The following PPARG variants were observed in gnomAD, a reference collection of about 807,000 sequenced individuals.
PPARG encodes peroxisome proliferator-activated receptor gamma.
PPARG carries 17 observed loss-of-function variants against 39.2 expected under a neutral mutation model. That is an observed-to-expected ratio of 0.43 (90% CI 0.30 to 0.65). The LOEUF is 0.65. PPARG is among the 30% of genes least tolerant of loss of function. The pLI is 0.13. For missense variants in PPARG, 406 were observed against 585.9 expected, an observed-to-expected ratio of 0.69 and a Z score of 3.17; for synonymous variants, 223 against 215.7, an observed-to-expected ratio of 1.03 and a Z score of -0.30.
intron 4 of PPARG, among the ~76,000 whole-genome samples, chr3:12,392,344 T>C (rs999976990): frequency 7.2e-5 from 11 of 152,136 alleles, no homozygotes; most frequent in African/African-American, 2.2e-4. Flanking sequence ...GAAAACCAAA[T>C]GTAGAGCCAA....
intron 2 of PPARG, among the ~76,000 whole-genome samples, chr3:12,318,871 T>C (rs549995413): frequency 3.3e-5 from 5 of 151,996 alleles, no homozygotes; most frequent in Admixed American, 3.3e-4. Context: ...TTTTTTTTCC[T>C]TTAAGCTTGT....
At chr3:12,429,275 A>G (rs1017502058) in intron 7 of PPARG, among the ~76,000 whole-genome samples, 2 of 152,150 alleles carry the variant, frequency 1.3e-5, no homozygotes, top group African/African-American at 2.4e-5. Context: ...ACTCCTAGAG[A>G]GGCCAGTTCC....
chr3:12,403,011 G>A (rs2050531489), intron 5 of PPARG, among the ~76,000 whole-genome samples: 1 of 152,118 alleles, frequency 6.6e-6, no homozygotes, highest in Non-Finnish European at 1.5e-5. Flanking sequence ...TAGTTCCTAT[G>A]GCCAGGTGTC....
chr3:12,420,575 G>A (rs949285627), intron 7 of PPARG, among the ~76,000 whole-genome samples: 2 of 152,176 alleles, frequency 1.3e-5, no homozygotes, highest in Non-Finnish European at 2.9e-5. Flanking sequence ...AGGCTCTTAG[G>A]GCCCCAGACT....
At chr3:12,419,279 T>A (rs1339055654) in intron 7 of PPARG, among the ~76,000 whole-genome samples, 3 of 152,088 alleles carry the variant, frequency 2.0e-5, no homozygotes, top group Admixed American at 2.0e-4. Flanking sequence ...ATATACTACC[T>A]GGCATGGTTT....
In PPARG at chr3:12,411,551, A is replaced by C. The variant is rs559717446; in HGVS notation, c.730-5153A>C. Among the ~76,000 whole-genome samples, 102 of 152,292 alleles carry C rather than the reference A, an allele frequency of 6.7e-4. 1 individual carries two copies. The South Asian group carries it at 0.013, about 19-fold the overall frequency. On this transcript the variant is annotated intron_variant, in intron 6 of 7. Transcript: ENST00000651735. ...AGAACAATCATTTTAAAAGGAAAAA[A>C]AGAAGTGGGGAAGTCCTATAGAAAG...
At chr3:12,361,178 G>A (rs538287264) in intron 2 of PPARG, among the ~76,000 whole-genome samples, 11 of 152,170 alleles carry the variant, frequency 7.2e-5, no homozygotes, top group South Asian at 6.2e-4. Context: ...TTTAAAAAGC[G>A]TTTGTTGTCC....
At chr3:12,311,909 T>C (rs2047257852) in intron 1 of PPARG, among the ~76,000 whole-genome samples, 1 of 152,322 alleles carries the variant, frequency 6.6e-6, no homozygotes, top group Admixed American at 6.5e-5. Flanking sequence ...CCATGTGTCA[T>C]CTAGAATGAA....
chr3:12,368,225 A>G (rs1383294729), intron 2 of PPARG, among the ~76,000 whole-genome samples: 1 of 128,648 alleles, frequency 7.8e-6, no homozygotes, highest in African/African-American at 2.9e-5. Flanking sequence ...TCTGTTGCCC[A>G]GGCTGGAGTG....
chr3:12,429,456 G>A (rs1178717496), intron 7 of PPARG, among the ~76,000 whole-genome samples: 2 of 150,406 alleles, frequency 1.3e-5, no homozygotes, highest in Non-Finnish European at 1.5e-5. Flanking sequence ...GGTGGCTCCC[G>A]CTTGTCATCC....
At chr3:12,382,953 A>G (rs2049737829) in intron 4 of PPARG, among the ~76,000 whole-genome samples, 1 of 152,200 alleles carries the variant, frequency 6.6e-6, no homozygotes, top group Non-Finnish European at 1.5e-5. Context: ...CCTGGGTCAC[A>G]AAAGCAAGAC....
At chr3:12,414,044 A>T (rs1373943125) in intron 6 of PPARG, among the ~76,000 whole-genome samples, 2 of 152,106 alleles carry the variant, frequency 1.3e-5, no homozygotes, top group Non-Finnish European at 2.9e-5. Flanking sequence ...ATATGAGGGG[A>T]CAGGGGAAGT....
chr3:12,307,417 T>C (rs1040678505), intron 1 of PPARG, among the ~76,000 whole-genome samples: 1 of 152,164 alleles, frequency 6.6e-6, no homozygotes, highest in Admixed American at 6.5e-5. Flanking sequence ...CCAAAGAGAA[T>C]TGTAATTTGA....
chr3:12,359,674 C>CTTTTTT (rs71628752), intron 2 of PPARG, among the ~76,000 whole-genome samples: 9,759 of 129,302 alleles, frequency 0.075, 533 homozygotes, highest in Non-Finnish European at 0.11. Flanking sequence ...TCTTTTATTT[C>CTTTTTT]TTTTTTTTTT....
chr3:12,380,443 C>A (rs1205114666), intron 3 of PPARG, among the ~76,000 whole-genome samples: 1 of 152,160 alleles, frequency 6.6e-6, no homozygotes, highest in Non-Finnish European at 1.5e-5. Flanking sequence ...GATAAATTTT[C>A]ATGCCATTAA....
intron 6 of PPARG, among the ~76,000 whole-genome samples, chr3:12,414,615 G>A (rs375559593): frequency 2.6e-5 from 4 of 151,926 alleles, no homozygotes; most frequent in Admixed American, 6.6e-5. Flanking sequence ...AGAACCTGAC[G>A]TTCTGGAAAA....
chr3:12,340,576 A>C (rs2048154779), intron 2 of PPARG, among the ~76,000 whole-genome samples: 1 of 152,238 alleles, frequency 6.6e-6, no homozygotes, highest in Non-Finnish European at 1.5e-5. Context: ...GTTTTTAAAA[A>C]TAAAAATGTA....
At chr3:12,337,512 A>G (rs141087389) in intron 2 of PPARG, among the ~76,000 whole-genome samples, 26 of 152,328 alleles carry the variant, frequency 1.7e-4, no homozygotes, top group African/African-American at 6.3e-4. Flanking sequence ...CTTAAAATTC[A>G]TGAAACGAAG....
intron 4 of PPARG, among the ~76,000 whole-genome samples, chr3:12,388,632 G>A (rs981654006): frequency 3.9e-5 from 6 of 152,186 alleles, no homozygotes; most frequent in African/African-American, 1.2e-4. Flanking sequence ...ATATCAGCAA[G>A]CATGTGAGAA....
Sources: allele counts gnomAD v4.1 joint callset (sites outside exome capture counted in the v4.1 genomes callset), GRCh38; gene constraint gnomAD v4.1.1; transcripts MANE v1.5; gene names NCBI Gene and HGNC (gene_info 2026-07-23, HGNC 2026-07-21).